The following RNGTT variants were observed in gnomAD, a reference collection of about 807,000 sequenced individuals.
RNGTT encodes the protein mRNA-capping enzyme.
In RNGTT, 33 loss-of-function variants were observed where a neutral mutation model predicts 79.3. The ratio of observed to expected loss-of-function variants is 0.42; its 90% CI spans 0.32 to 0.56. The LOEUF is 0.56. Ranked by LOEUF, RNGTT falls within the 20% of genes least tolerant of loss-of-function variation. The pLI is 0.17. For missense variants in RNGTT, 497 were observed against 739.1 expected, an observed-to-expected ratio of 0.67 and a Z score of 3.80; for synonymous variants, 222 against 235.9, an observed-to-expected ratio of 0.94 and a Z score of 0.54.
At chr6:88,640,267 A>G (rs1005181270) in intron 14 of RNGTT, among the ~76,000 whole-genome samples, 2 of 151,974 alleles carry the variant, frequency 1.3e-5, no homozygotes, top group African/African-American at 4.8e-5. Flanking sequence ...TCGAGCAATA[A>G]AGGCCAGTGC....
chr6:88,674,610 T>C (rs1439989413), intron 14 of RNGTT, among the ~76,000 whole-genome samples: 3 of 152,120 alleles, frequency 2.0e-5, no homozygotes, highest in Non-Finnish European at 4.4e-5. Context: ...GCATATTCTA[T>C]TTAGCCTTAG....
chr6:88,918,618 G>C (rs1784071412), intron 4 of RNGTT, among the ~76,000 whole-genome samples: 2 of 152,050 alleles, frequency 1.3e-5, no homozygotes, highest in African/African-American at 4.8e-5. Flanking sequence ...AAAACAAAGA[G>C]ATCAGCCTTG....
At chr6:88,726,389 C>CAAAAAAAAAAA (rs61210098) in intron 13 of RNGTT, among the ~76,000 whole-genome samples, 1 of 99,540 alleles carries the variant, frequency 1.0e-5, no homozygotes, top group Non-Finnish European at 1.9e-5. Context: ...ATCCTAAGTC[C>CAAAAAAAAAAA]AAAAAAAAAA....
intron 13 of RNGTT, among the ~76,000 whole-genome samples, chr6:88,684,350 T>G (rs1775199046): frequency 6.6e-6 from 1 of 152,164 alleles, no homozygotes; most frequent in Non-Finnish European, 1.5e-5. Flanking sequence ...GAATATACCC[T>G]TACCACATGA....
In RNGTT at chr6:88,838,913, T is replaced by C. The variant is rs565619632; in HGVS notation, c.1269+5444A>G. 8.5e-5 allele frequency among the ~76,000 whole-genome samples: 13 copies of C among 152,214 alleles called. No homozygotes were observed. The South Asian group carries it at 2.7e-3, about 32-fold the overall frequency. ...TGGTACTTGAGTAAAGACAGCCAAA[T>C]AGATCAAGAGAACTGAACAGACAGT... On this transcript the variant is annotated intron_variant, in intron 11 of 15. Coordinates refer to ENST00000369485, the MANE Select transcript of RNGTT (RefSeq NM_003800.5).
chr6:88,730,467 C>T (rs922746262), intron 13 of RNGTT, among the ~76,000 whole-genome samples: 6 of 152,214 alleles, frequency 3.9e-5, no homozygotes, highest in African/African-American at 1.4e-4. Flanking sequence ...CTCACCATTG[C>T]TCCATCTGTA....
chr6:88,940,779 C>G (rs910532807), intron 2 of RNGTT, among the ~76,000 whole-genome samples: 2 of 151,866 alleles, frequency 1.3e-5, no homozygotes, highest in African/African-American at 4.9e-5. Context: ...TCAAACTGTA[C>G]TGAACTACAC....
At chr6:88,758,092 T>C (rs1450232610) in intron 13 of RNGTT, among the ~76,000 whole-genome samples, 1 of 152,208 alleles carries the variant, frequency 6.6e-6, no homozygotes, top group Non-Finnish European at 1.5e-5. Flanking sequence ...TTATCTCAGA[T>C]TGTTTTTACT....
chr6:88,784,350 A>T (rs1779161161), intron 12 of RNGTT, among the ~76,000 whole-genome samples: 1 of 152,152 alleles, frequency 6.6e-6, no homozygotes, highest in Non-Finnish European at 1.5e-5. Flanking sequence ...TAATGTTTAA[A>T]TAACTAAAAA....
At chr6:88,879,851 C>T (rs1782639000) in intron 8 of RNGTT, among the ~76,000 whole-genome samples, 1 of 152,048 alleles carries the variant, frequency 6.6e-6, no homozygotes, top group South Asian at 2.1e-4. Context: ...GATGGGTTGT[C>T]AAACTATGAT....
chr6:88,687,777 C>A (rs1775332348), intron 13 of RNGTT, among the ~76,000 whole-genome samples: 1 of 152,066 alleles, frequency 6.6e-6, no homozygotes, highest in Non-Finnish European at 1.5e-5. Flanking sequence ...AAGGCTAAAA[C>A]AGAAACTAAA....
At chr6:88,717,454 T>C (rs969772313) in intron 13 of RNGTT, among the ~76,000 whole-genome samples, 2 of 152,216 alleles carry the variant, frequency 1.3e-5, no homozygotes, top group Admixed American at 1.3e-4. Flanking sequence ...AGTGAGCAAC[T>C]ACAGTGTCAA....
In RNGTT at chr6:88,844,336, TA is replaced by T. The variant is rs372555243; in HGVS notation, c.1269+20del. The T allele has an allele frequency of 1.5e-4, 238 of 1,586,038 alleles. 1 individual carries two copies. The highest frequency in any genetic ancestry group is 5.7e-4 in the South Asian group (51 of 88,836). On this transcript the variant is annotated intron_variant, in intron 11 of 15. Coordinates refer to ENST00000369485, the MANE Select transcript of RNGTT (RefSeq NM_003800.5). Reference sequence around the variant, plus strand: ...TTATGAGACATTATTAGCACTAATTTAAAAAAAAATTAAACTTTACCTTTCT... The same window carrying T: ...TTATGAGACATTATTAGCACTAATTTAAAAAAAATTAAACTTTACCTTTCT...
At chr6:88,614,469 C>A in intron 14 of RNGTT, 74 bp from the exon 15 acceptor site, 2 of 1,411,666 alleles carry the variant, frequency 1.4e-6, no homozygotes, top group Non-Finnish European at 2.0e-6. Context: ...GTGACAGGCA[C>A]ATTAGGAAAT....
intron 13 of RNGTT, among the ~76,000 whole-genome samples, chr6:88,737,496 T>TC (rs1334881025): frequency 1.1e-4 from 16 of 151,996 alleles, no homozygotes. Context: ...TGAATGTCTG[T>TC]CCCCCCTCCC....
At chr6:88,789,709 G>A (rs1373837901) in intron 12 of RNGTT, among the ~76,000 whole-genome samples, 2 of 152,154 alleles carry the variant, frequency 1.3e-5, no homozygotes, top group Non-Finnish European at 2.9e-5. Context: ...ACCAAACACA[G>A]TTGGGCCAAG....
At chr6:88,684,356 C>T (rs1205692282) in intron 13 of RNGTT, among the ~76,000 whole-genome samples, 2 of 152,316 alleles carry the variant, frequency 1.3e-5, no homozygotes, top group Non-Finnish European at 2.9e-5. Context: ...ACCCTTACCA[C>T]ATGACCCAAT....
Position 88,820,548 on chromosome 6 carries a change from A to G in RNGTT, c.1270-18916T>C, listed in dbSNP as rs528904118. On this transcript the variant is annotated intron_variant, in intron 11 of 15. Coordinates refer to ENST00000369485, the MANE Select transcript of RNGTT (RefSeq NM_003800.5). ...GAAAGTATGAAAAGAATAAACAAAA[A>G]CTCCTGGAACTAATAAGCAATTATA... 2.7e-3 allele frequency among the ~76,000 whole-genome samples: 407 copies of G among 152,218 alleles called. 1 individual carries two copies. Among genetic ancestry groups the G allele is most frequent in the South Asian group, 9.5e-3 (46 of 4,820 alleles).
intron 13 of RNGTT, among the ~76,000 whole-genome samples, chr6:88,697,858 G>C (rs1264912177): frequency 6.9e-6 from 1 of 144,444 alleles, no homozygotes; most frequent in African/African-American, 2.6e-5. Flanking sequence ...GTGACAGAGT[G>C]AGACCCTGTC....
Sources: gnomAD v4.1 joint callset for allele counts (sites outside exome capture counted in the v4.1 genomes callset) on GRCh38, gnomAD v4.1.1 for gene constraint, MANE v1.5 for transcripts, NCBI Gene and HGNC (gene_info 2026-07-23, HGNC 2026-07-21) for gene names.